TMEM74: variants seen among roughly 807,000 people sequenced by gnomAD.
TMEM74 encodes the protein transmembrane protein 74.
TMEM74 carries 13 observed loss-of-function variants against 18.1 expected under a neutral mutation model. The observed-to-expected ratio is 0.72, with a 90% CI of 0.47 to 1.14. The LOEUF is 1.14. TMEM74 is among the 50% of genes most tolerant of loss of function. The pLI, the probability that TMEM74 is intolerant of heterozygous loss-of-function variation, is 0.00. For missense variants in TMEM74, 372 were observed against 375.9 expected, an observed-to-expected ratio of 0.99 and a Z score of 0.09; for synonymous variants, 159 against 146.6, an observed-to-expected ratio of 1.08 and a Z score of -0.61.
At chr8:108,617,882 C>A (rs963580265) in intron 2 of TMEM74, among the ~76,000 whole-genome samples, 5 of 152,114 alleles carry the variant, frequency 3.3e-5, no homozygotes, top group African/African-American at 1.2e-4. Flanking sequence ...AAGCAGTTTT[C>A]CTGAGACCTT....
At chr8:108,612,792 TTTC>T (rs1163890374) in intron 2 of TMEM74, among the ~76,000 whole-genome samples, 3 of 152,214 alleles carry the variant, frequency 2.0e-5, no homozygotes, top group Admixed American at 2.0e-4. Context: ...CTGGCTCTAG[TTTC>T]TTCTTCAAGT....
chr8:108,729,229 T>C (rs974599634), intron 1 of TMEM74, among the ~76,000 whole-genome samples: 3 of 152,232 alleles, frequency 2.0e-5, no homozygotes, highest in African/African-American at 7.2e-5. Flanking sequence ...ATTCCTTCCC[T>C]GCTGGCTGTC....
chr8:108,786,002 G>T (rs1352086806), intron 1 of TMEM74, among the ~76,000 whole-genome samples: 2 of 152,102 alleles, frequency 1.3e-5, no homozygotes, highest in Non-Finnish European at 2.9e-5. Context: ...TGCTACTCCC[G>T]TTCCCTGGGT....
chr8:108,677,277 T>C (rs3019413), intron 1 of TMEM74, among the ~76,000 whole-genome samples: 109,864 of 152,044 alleles, frequency 0.72, 40,207 homozygotes, highest in East Asian at 0.99. Context: ...ATTAGTTACT[T>C]AAATCTAGAT....
chr8:108,639,235 T>C (rs532243741), intron 2 of TMEM74, among the ~76,000 whole-genome samples: 1 of 152,322 alleles, frequency 6.6e-6, no homozygotes, highest in East Asian at 1.9e-4. Flanking sequence ...AATAGTTACC[T>C]GGTACATGTA....
rs1189789597 is a variant in TMEM74, at chr8:108,756,695, AGAAG to A, written n.119+30777_119+30780del. ...AAGAAAGAAAGAAAGAAAGAAAGAA[AGAAG>A]GAAGGAAAGAAAGAAAGAAAGAGAA... On this transcript the variant is annotated intron_variant and non_coding_transcript_variant, in intron 1 of 3. Coordinates refer to the TMEM74 transcript ENST00000518838. Among the ~76,000 whole-genome samples, 702 of 84,636 alleles carry A rather than the reference AGAAG, an allele frequency of 8.3e-3. 27 individuals carry two copies. Among genetic ancestry groups the A allele is most frequent in the African/African-American group, 0.035 (653 of 18,416 alleles). 55.5% of individuals were successfully genotyped at this position (84,636 alleles called of 152,430 possible). A position where few individuals can be genotyped will look rare whatever the true frequency, so the allele number is the denominator to read the frequency against.
chr8:108,710,748 G>C (rs551987899), intron 1 of TMEM74, among the ~76,000 whole-genome samples: 7 of 152,138 alleles, frequency 4.6e-5, no homozygotes, highest in Non-Finnish European at 1.0e-4. Context: ...GGGTATGAGC[G>C]AGCGGAGCTG....
intron 2 of TMEM74, among the ~76,000 whole-genome samples, chr8:108,644,196 C>T (rs1054597782): frequency 3.3e-5 from 5 of 151,988 alleles, no homozygotes; most frequent in African/African-American, 9.7e-5. Flanking sequence ...GAAATAAAAC[C>T]GCAAACCTAC....
intron 1 of TMEM74, among the ~76,000 whole-genome samples, chr8:108,680,287 A>T (rs993752670): frequency 8.5e-5 from 13 of 152,344 alleles, no homozygotes; most frequent in African/African-American, 2.6e-4. Context: ...GGCAAACCGA[A>T]TCCAGCAGCA....
At chr8:108,660,725 C>T (rs1463560606) in intron 1 of TMEM74, among the ~76,000 whole-genome samples, 1 of 152,082 alleles carries the variant, frequency 6.6e-6, no homozygotes. Context: ...CCTTTTTCAT[C>T]TTTTTGTTAT....
chr8:108,731,903 G>C (rs1813698913), intron 1 of TMEM74, among the ~76,000 whole-genome samples: 1 of 151,962 alleles, frequency 6.6e-6, no homozygotes, highest in Non-Finnish European at 1.5e-5. Flanking sequence ...AAAACAGGAA[G>C]GGAAGTATGG....
chr8:108,680,655 G>A (rs1436805643), intron 1 of TMEM74, among the ~76,000 whole-genome samples: 2 of 152,188 alleles, frequency 1.3e-5, no homozygotes, highest in African/African-American at 4.8e-5. Context: ...AGTGTTGGAA[G>A]TTCTGGCCAG....
chr8:108,713,669 G>T (rs186095182), intron 1 of TMEM74, among the ~76,000 whole-genome samples: 4 of 152,200 alleles, frequency 2.6e-5, no homozygotes, highest in Non-Finnish European at 5.9e-5. Context: ...GTTAAAATTT[G>T]TATTAGTCAG....
At chr8:108,774,038 A>G (rs1350558405), downstream of TMEM74, among the ~76,000 whole-genome samples, 1 of 152,218 alleles carries the variant, frequency 6.6e-6, no homozygotes, top group Non-Finnish European at 1.5e-5. Flanking sequence ...TTTTACCATG[A>G]GATACTTAAC....
chr8:108,693,658 G>T (rs954089754), intron 1 of TMEM74, among the ~76,000 whole-genome samples: 10 of 152,200 alleles, frequency 6.6e-5, no homozygotes, highest in African/African-American at 2.4e-4. Context: ...GGGTGGTGTG[G>T]AAAGAAATGT....
At chr8:108,685,973 C>G (rs1334472069) in intron 1 of TMEM74, among the ~76,000 whole-genome samples, 1 of 151,458 alleles carries the variant, frequency 6.6e-6, no homozygotes, top group Non-Finnish European at 1.5e-5. Context: ...TATAATAAAG[C>G]CTGAATAAAA....
intron 1 of TMEM74, among the ~76,000 whole-genome samples, chr8:108,680,429 C>CA (rs1163670604): frequency 6.6e-6 from 1 of 152,186 alleles, no homozygotes; most frequent in African/African-American, 2.4e-5. Context: ...ATGATTATCT[C>CA]AATAGATGCA....
intron 1 of TMEM74, among the ~76,000 whole-genome samples, chr8:108,665,981 C>T (rs1475164884): frequency 1.3e-5 from 2 of 152,108 alleles, no homozygotes; most frequent in Non-Finnish European, 2.9e-5. Context: ...TTTTGATTTA[C>T]TTACATTGCC....
intron 2 of TMEM74, among the ~76,000 whole-genome samples, chr8:108,642,956 A>G (rs1812681289): frequency 6.6e-6 from 1 of 152,198 alleles, no homozygotes; most frequent in Non-Finnish European, 1.5e-5. Context: ...TAACTCATTC[A>G]TTTATTGGTG....
Sources: gnomAD v4.1 joint callset for allele counts (sites outside exome capture counted in the v4.1 genomes callset) on GRCh38, gnomAD v4.1.1 for gene constraint, MANE v1.5 for transcripts, NCBI Gene and HGNC (gene_info 2026-07-23, HGNC 2026-07-21) for gene names.